CSTL1: variants seen among roughly 807,000 people sequenced by gnomAD.
The protein encoded by CSTL1 is cystatin like 1.
Under a neutral mutation model 14.4 loss-of-function variants are expected in CSTL1, and 14 were observed. The ratio of observed to expected loss-of-function variants is 0.97; its 90% CI spans 0.64 to 1.52. CSTL1 has a LOEUF of 1.52. CSTL1 is among the 40% of genes most tolerant of loss of function. The pLI is 0.00. For missense variants in CSTL1, 170 were observed against 168.7 expected (o/e 1.01, Z -0.04); for synonymous variants, 72 against 67.5 (o/e 1.07, Z -0.33).
chr20:23,452,505 G>C, the CSTL1 span: 4 of 870,598 alleles, frequency 4.6e-6, no homozygotes, highest in Non-Finnish European at 7.9e-6. Flanking sequence ...TTTCCCTTGA[G>C]TGGGACTATT....
Position 23,443,951 on chromosome 20 carries a change from G to GTA in CSTL1, c.242_243dup (p.Val82Ter). 1 of 1,613,948 alleles carries GTA rather than the reference G, an allele frequency of 6.2e-7. No individual in the cohort carries two copies. Among genetic ancestry groups the GTA allele is most frequent in the East Asian group, 2.2e-5 (1 of 44,880 alleles). On this transcript the variant is annotated frameshift_variant, in exon 3 of 4. Coordinates refer to ENST00000347397, the MANE Select transcript of CSTL1 (RefSeq NM_138283.1). LOFTEE classifies it high-confidence loss of function. The stretch of plus-strand genomic sequence containing the variant: ...CTCGGCAGCTGACGACGGGAGTGGA[G>GTA]TATATAGTCACTGTGAAGATTGGCT...
intron 2 of CSTL1, 24 bp from the exon 3 acceptor site, chr20:23,443,910 A>G (rs561932645): frequency 9.5e-6 from 15 of 1,583,070 alleles, no homozygotes; most frequent in Admixed American, 1.7e-5. Flanking sequence ...AGTCCACACT[A>G]ACAGCACAAC....
intron 2 of CSTL1, chr20:23,440,756 C>CT (rs11346588): frequency 0.043 from 15,506 of 358,074 alleles, 155 homozygotes; most frequent in African/African-American, 0.095. Flanking sequence ...GGATTAAACT[C>CT]TTTTTTTTTT....
At chr20:23,440,032 T>G (rs1986787862) in intron 1 of CSTL1, 112 bp from the exon 2 acceptor site, 1 of 539,748 alleles carries the variant, frequency 1.9e-6, no homozygotes, top group Admixed American at 3.1e-5. Context: ...TGTTTAAAAA[T>G]TTTGCTTGCC....
chr20:23,443,860 C>A (rs1291964415), intron 2 of CSTL1, 74 bp from the exon 3 acceptor site: 2 of 1,108,506 alleles, frequency 1.8e-6, no homozygotes, highest in Non-Finnish European at 2.7e-6. Flanking sequence ...TACTCTCAGT[C>A]CTAGCTTCTC....
At chr20:23,443,833 T>A in intron 2 of CSTL1, 101 bp from the exon 3 acceptor site, 3 of 792,096 alleles carry the variant, frequency 3.8e-6, no homozygotes, top group Non-Finnish European at 6.3e-6. Context: ...GAACAAGAAC[T>A]GTGGCCCTGG....
intron 2 of CSTL1, among the ~76,000 whole-genome samples, chr20:23,442,073 G>A (rs1318851811): frequency 6.6e-6 from 1 of 152,270 alleles, no homozygotes; most frequent in African/African-American, 2.4e-5. Context: ...AAGGAGGCTT[G>A]CCTTGTGAAA....
At chr20:23,456,088 C>G in the CSTL1 span, among the ~76,000 whole-genome samples, 1 of 152,204 alleles carries the variant, frequency 6.6e-6, no homozygotes, top group South Asian at 2.1e-4. Flanking sequence ...GTGGCCCACT[C>G]CCCTGAAAAC....
At chr20:23,456,579 G>A in the CSTL1 span, among the ~76,000 whole-genome samples, 4 of 151,978 alleles carry the variant, frequency 2.6e-5, no homozygotes, top group South Asian at 2.1e-4. Context: ...AGCCTCCATC[G>A]CTAGCAGCCC....
At chr20:23,440,589 C>A (rs1261533166) in intron 2 of CSTL1, 103 bp downstream of exon 2, 3 of 859,302 alleles carry the variant, frequency 3.5e-6, no homozygotes, top group Non-Finnish European at 6.1e-6. Flanking sequence ...TGGTGGTCCT[C>A]CGTGAGGTCC....
In CSTL1 at chr20:23,442,336, G is replaced by C. The variant is rs184994178; in HGVS notation, c.220-1598G>C. 3.3e-5 allele frequency: 5 copies of C among 152,380 alleles called. No individual in the cohort carries two copies. In the East Asian group the frequency reaches 9.7e-4, roughly 29 times the overall value. The allele number at this position is 152,380 out of a possible 1,614,324, so 9.4% of individuals were successfully genotyped here. On this transcript the variant is annotated intron_variant, in intron 2 of 3. Transcript: ENST00000347397. ...CAGCTCCTCCCAACTGAGGCTCCTG[G>C]TCAAGTGACATCCAGACTCTCCAGA... is the stretch of plus-strand genomic sequence containing the variant.
At position 23,440,444 on chromosome 20, in the gene CSTL1, C is replaced by T; in HGVS notation, c.177C>T (p.Thr59=). The change falls in exon 2 of 4, where the codon ACC becomes ACT. Residue 59 remains threonine (T), a synonymous_variant. Coordinates refer to ENST00000347397, the MANE Select transcript of CSTL1 (RefSeq NM_138283.1). Reference sequence around the variant, plus strand: ...CCTACAACAATGCCAGCAACGACACCTACTTATATCGAGTCCAGAGGCTAA... The same window carrying T: ...CCTACAACAATGCCAGCAACGACACTTACTTATATCGAGTCCAGAGGCTAA... ...IQSYNNASND[T]YLYRVQRLIR... 1.2e-6 allele frequency: 2 copies of T among 1,614,102 alleles called. No homozygotes were observed. Among genetic ancestry groups the T allele is most frequent in the Non-Finnish European group, 1.7e-6 (2 of 1,179,982 alleles).
the CSTL1 span, among the ~76,000 whole-genome samples, chr20:23,453,181 A>T: frequency 6.9e-6 from 1 of 145,636 alleles, no homozygotes; most frequent in Admixed American, 6.8e-5. Flanking sequence ...GGGAGATTGG[A>T]TGCCAGGACT....
the CSTL1 span, among the ~76,000 whole-genome samples, chr20:23,455,837 G>A: frequency 2.0e-5 from 3 of 152,306 alleles, no homozygotes; most frequent in East Asian, 3.9e-4. Flanking sequence ...TCTTCCTGTC[G>A]CCCACTTGCC....
chr20:23,448,399 C>T (rs191751645), downstream of CSTL1, among the ~76,000 whole-genome samples: 8 of 152,250 alleles, frequency 5.3e-5, 1 homozygote, highest in Admixed American at 1.3e-4. Context: ...AGCTCTCCGG[C>T]GATGGAGCAG....
chr20:23,451,800 T>C, the CSTL1 span: 2 of 1,593,280 alleles, frequency 1.3e-6, no homozygotes, highest in South Asian at 2.2e-5. Flanking sequence ...TACGTTAAAG[T>C]GCTTTTACCC....
the CSTL1 span, among the ~76,000 whole-genome samples, chr20:23,456,961 A>G: frequency 6.6e-6 from 1 of 152,180 alleles, no homozygotes; most frequent in East Asian, 1.9e-4. Flanking sequence ...TCACCATCCT[A>G]AGATCCTTAA....
chr20:23,457,773 A>G, the CSTL1 span: 1 of 152,180 alleles, frequency 6.6e-6, no homozygotes, highest in East Asian at 1.9e-4. Context: ...TGACTCCCAT[A>G]TAGTTAACTT....
the CSTL1 span, among the ~76,000 whole-genome samples, chr20:23,460,223 C>T: frequency 1.3e-5 from 2 of 152,174 alleles, no homozygotes; most frequent in Non-Finnish European, 2.9e-5. Flanking sequence ...TCCCAAATGC[C>T]CTCACCAACA....
Sources: gnomAD v4.1 joint callset for allele counts (sites outside exome capture counted in the v4.1 genomes callset) on GRCh38, gnomAD v4.1.1 for gene constraint, MANE v1.5 for transcripts, NCBI Gene and HGNC (gene_info 2026-07-23, HGNC 2026-07-21) for gene names.